GPC5: variants seen among roughly 807,000 people sequenced by gnomAD.
GPC5 encodes glypican 5.
GPC5 carries 47 observed loss-of-function variants against 53.9 expected under a neutral mutation model. That is an observed-to-expected ratio of 0.87 (90% CI 0.69 to 1.11). GPC5 has a LOEUF of 1.11. Among genes scored for constraint, GPC5 ranks in the 50% most tolerant of loss-of-function variants. The pLI is 0.00. For synonymous variants in GPC5, 286 were observed against 263.3 expected, an observed-to-expected ratio of 1.09 and a Z score of -0.84; for missense variants, 748 against 713.1, an observed-to-expected ratio of 1.05 and a Z score of -0.56.
intron 7 of GPC5, among the ~76,000 whole-genome samples, chr13:92,145,838 C>T (rs2138985290): frequency 6.6e-6 from 1 of 152,248 alleles, no homozygotes; most frequent in African/African-American, 2.4e-5. Context: ...CTGATAGCTT[C>T]CCTCAAAACC....
chr13:92,385,481 T>C lies in GPC5; in HGVS notation c.1561+240492T>C, dbSNP rs377508213. Among the ~76,000 whole-genome samples, 10 of 136,958 alleles carry C rather than the reference T, an allele frequency of 7.3e-5. No individual in the cohort carries two copies. The South Asian group carries it at 8.7e-4, about 12-fold the overall frequency. 89.8% of individuals were successfully genotyped at this position (136,958 alleles called of 152,430 possible). A position where few individuals can be genotyped will look rare whatever the true frequency, so the allele number is the denominator to read the frequency against. On this transcript the variant is annotated intron_variant, in intron 7 of 7. Coordinates refer to ENST00000377067, the MANE Select transcript of GPC5 (RefSeq NM_004466.6). ...ATATACACATATATACATATATACATATATACACATATATACATACATATA... is the reference window on the plus strand; with the variant it reads ...ATATACACATATATACATATATACACATATACACATATATACATACATATA...
chr13:92,585,871 A>G lies in GPC5; in HGVS notation c.1562-280411A>G, dbSNP rs192143729. 2.6e-3 allele frequency among the ~76,000 whole-genome samples: 394 copies of G among 152,252 alleles called. 1 individual carries two copies. The highest frequency in any genetic ancestry group is 8.5e-3 in the African/African-American group (355 of 41,560). On this transcript the variant is annotated intron_variant, in intron 7 of 7. Coordinates refer to ENST00000377067, the MANE Select transcript of GPC5 (RefSeq NM_004466.6). ...TCTCTTTGCCTGCTGCCATTCACAT[A>G]AGACATGACTTGTTCATCCTTGCCA...
At chr13:92,060,352 T>C (rs2041112654) in intron 6 of GPC5, among the ~76,000 whole-genome samples, 1 of 152,096 alleles carries the variant, frequency 6.6e-6, no homozygotes, top group East Asian at 1.9e-4. Flanking sequence ...TATTTTAACT[T>C]ATCCAAAAAT....
intron 7 of GPC5, among the ~76,000 whole-genome samples, chr13:92,283,818 T>C (rs918214058): frequency 2.0e-5 from 3 of 152,054 alleles, no homozygotes; most frequent in Non-Finnish European, 4.4e-5. Context: ...CACCCTAACA[T>C]CACATTAAAA....
intron 7 of GPC5, among the ~76,000 whole-genome samples, chr13:92,393,581 G>A (rs575152077): frequency 3.3e-5 from 5 of 152,280 alleles, no homozygotes; most frequent in South Asian, 2.1e-4. Context: ...CCGGGAAGGC[G>A]GAGGTTGCAG....
intron 5 of GPC5, among the ~76,000 whole-genome samples, chr13:91,799,107 A>G (rs1487294330): frequency 6.6e-6 from 1 of 152,216 alleles, no homozygotes; most frequent in Non-Finnish European, 1.5e-5. Context: ...AGTGGACTGG[A>G]TAAGAAAATG....
intron 7 of GPC5, among the ~76,000 whole-genome samples, chr13:92,287,831 T>G (rs553134571): frequency 6.6e-6 from 1 of 152,294 alleles, no homozygotes; most frequent in South Asian, 2.1e-4. Context: ...TGTTAGCCTG[T>G]ATTTCTTTAA....
chr13:91,592,390 G>C (rs1594302019), intron 2 of GPC5, among the ~76,000 whole-genome samples: 1 of 152,078 alleles, frequency 6.6e-6, no homozygotes, highest in Non-Finnish European at 1.5e-5. Flanking sequence ...CCTTGTCAGA[G>C]CCCCCTGCAA....
chr13:91,793,593 T>C (rs770487577), intron 5 of GPC5, among the ~76,000 whole-genome samples: 1 of 152,164 alleles, frequency 6.6e-6, no homozygotes, highest in Non-Finnish European at 1.5e-5. Flanking sequence ...GCATCTGTTA[T>C]CCCCTTGTAT....
At chr13:92,255,991 T>C (rs1031365946) in intron 7 of GPC5, among the ~76,000 whole-genome samples, 2 of 152,084 alleles carry the variant, frequency 1.3e-5, no homozygotes, top group African/African-American at 4.8e-5. Flanking sequence ...ATTAAGGCTT[T>C]ATATTCTAAA....
At chr13:91,583,148 G>A (rs1481195897) in intron 2 of GPC5, among the ~76,000 whole-genome samples, 4 of 152,106 alleles carry the variant, frequency 2.6e-5, no homozygotes, top group Non-Finnish European at 5.9e-5. Flanking sequence ...TTCTCTCTTA[G>A]AGTGGAAAGG....
At chr13:92,079,111 G>A (rs2041275171) in intron 6 of GPC5, among the ~76,000 whole-genome samples, 1 of 152,012 alleles carries the variant, frequency 6.6e-6, no homozygotes, top group Non-Finnish European at 1.5e-5. Flanking sequence ...GAGTGCAGTG[G>A]CATGATCTTG....
At chr13:92,693,367 C>T (rs557809716) in intron 7 of GPC5, among the ~76,000 whole-genome samples, 1 of 152,168 alleles carries the variant, frequency 6.6e-6, no homozygotes, top group African/African-American at 2.4e-5. Context: ...GGGAAAATTT[C>T]GAACTTCCTA....
At chr13:91,990,453 C>T (rs2040446689) in intron 6 of GPC5, among the ~76,000 whole-genome samples, 1 of 151,936 alleles carries the variant, frequency 6.6e-6, no homozygotes, top group African/African-American at 2.4e-5. Context: ...GTGCCTGGAA[C>T]ATAGTAAGCA....
intron 7 of GPC5, among the ~76,000 whole-genome samples, chr13:92,583,723 C>G (rs1209711686): frequency 2.6e-5 from 4 of 152,190 alleles, no homozygotes; most frequent in Non-Finnish European, 5.9e-5. Context: ...TTCCTCTTAT[C>G]TTCTCAAACC....
Position 92,245,346 on chromosome 13 carries a change from A to G in GPC5, c.1561+100357A>G, listed in dbSNP as rs187626305. On this transcript the variant is annotated intron_variant, in intron 7 of 7. Transcript: ENST00000377067. ...TCCCCTTACTTTCTAGCTCCATATC[A>G]TGATTTATTTTTGTTTCTACCATTT... Among the ~76,000 whole-genome samples the G allele has an allele frequency of 2.8e-3, 426 of 152,212 alleles. 3 individuals are homozygous for G. Among genetic ancestry groups the G allele is most frequent in the African/African-American group, 0.01 (417 of 41,548 alleles).
intron 7 of GPC5, among the ~76,000 whole-genome samples, chr13:92,233,866 T>A (rs2042549938): frequency 6.6e-6 from 1 of 151,870 alleles, no homozygotes; most frequent in Admixed American, 6.6e-5. Flanking sequence ...TGTCCATGTG[T>A]TCTCATTGTT....
At chr13:92,152,244 T>A (rs1198149940) in intron 7 of GPC5, among the ~76,000 whole-genome samples, 2 of 152,228 alleles carry the variant, frequency 1.3e-5, no homozygotes, top group African/African-American at 4.8e-5. Flanking sequence ...ACCAGCAATA[T>A]AGTGAACTAC....
intron 5 of GPC5, among the ~76,000 whole-genome samples, chr13:91,773,981 G>A (rs2037667931): frequency 6.6e-6 from 1 of 152,106 alleles, no homozygotes; most frequent in South Asian, 2.1e-4. Flanking sequence ...ACACATTGTT[G>A]TTCTGGGATT....
Sources: allele counts gnomAD v4.1 joint callset (sites outside exome capture counted in the v4.1 genomes callset), GRCh38; gene constraint gnomAD v4.1.1; transcripts MANE v1.5; gene names NCBI Gene and HGNC (gene_info 2026-07-23, HGNC 2026-07-21).